The following LAMA2 variants were observed in gnomAD, a reference collection of about 807,000 sequenced individuals.
LAMA2 encodes the protein laminin subunit alpha 2.
A neutral mutation model predicts 364.8 loss-of-function variants in LAMA2; 269 were observed. That is an observed-to-expected ratio of 0.74 (90% CI 0.67 to 0.82). LAMA2 has a LOEUF of 0.82. Ranked by LOEUF, LAMA2 falls within the 40% of genes least tolerant of loss-of-function variation. LAMA2 has a pLI of 0.00. For missense variants in LAMA2, 3,807 were observed against 3,873.2 expected (o/e 0.98, Z 0.45); for synonymous variants, 1,379 against 1,370.6 (o/e 1.01, Z -0.14).
chr6:129,145,143 A>C (rs1254810940), intron 5 of LAMA2, among the ~76,000 whole-genome samples: 3 of 152,042 alleles, frequency 2.0e-5, no homozygotes, highest in African/African-American at 7.2e-5. Flanking sequence ...ATTTAATTCT[A>C]GAATGATCCC....
intron 4 of LAMA2, among the ~76,000 whole-genome samples, chr6:129,139,583 C>A (rs1039851281): frequency 6.6e-6 from 1 of 152,020 alleles, no homozygotes; most frequent in Non-Finnish European, 1.5e-5. Context: ...ACAGGAGGTC[C>A]TGGAACCAAT....
At chr6:129,329,346 G>A (rs1313869479) in intron 29 of LAMA2, among the ~76,000 whole-genome samples, 2 of 151,996 alleles carry the variant, frequency 1.3e-5, no homozygotes, top group African/African-American at 4.8e-5. Context: ...GCCCTCTTAA[G>A]GAGTAGCCAT....
At chr6:129,499,709 T>C (rs1190143146) in intron 58 of LAMA2, among the ~76,000 whole-genome samples, 2 of 152,092 alleles carry the variant, frequency 1.3e-5, no homozygotes, top group Non-Finnish European at 2.9e-5. Context: ...GGTGCTGCCC[T>C]GAACACATCA....
intron 9 of LAMA2, among the ~76,000 whole-genome samples, chr6:129,174,825 A>G (rs373136722): frequency 1.3e-5 from 2 of 152,166 alleles, no homozygotes; most frequent in East Asian, 1.9e-4. Flanking sequence ...CTTTCGATCT[A>G]TCTACCTACC....
intron 35 of LAMA2, among the ~76,000 whole-genome samples, chr6:129,383,836 G>A (rs1400175275): frequency 1.3e-5 from 2 of 152,074 alleles, no homozygotes; most frequent in Non-Finnish European, 2.9e-5. Context: ...TGCCCCATCC[G>A]CACTCGCCCC....
At chr6:129,037,155 A>C (rs1051617444) in intron 1 of LAMA2, among the ~76,000 whole-genome samples, 2 of 152,200 alleles carry the variant, frequency 1.3e-5, no homozygotes, top group Non-Finnish European at 2.9e-5. Context: ...CTCTGCTTGC[A>C]TGAATATTTT....
chr6:129,069,850 TATTA>T (rs148162688), intron 3 of LAMA2, among the ~76,000 whole-genome samples: 70,232 of 147,784 alleles, frequency 0.48, 19,766 homozygotes, highest in East Asian at 0.81. Flanking sequence ...TATACAATTA[TATTA>T]ATTATATGTA....
rs1160667427 is a variant in LAMA2 at position 129,393,105 on chromosome 6, T to C, written c.5295T>C (p.Asn1765=). 3 of 1,613,454 alleles carry C rather than the reference T, an allele frequency of 1.9e-6. No individual in the cohort carries two copies. Among genetic ancestry groups the C allele is most frequent in the South Asian group, 2.2e-5 (2 of 91,056 alleles). The change falls in exon 37 of 65, where the codon AAT becomes AAC. Residue 1765 remains asparagine, a synonymous_variant. Transcript: ENST00000421865. The stretch of plus-strand genomic sequence containing the variant: ...TGTTTGGAGAGTCCCGGGGGGAAAA[T>C]GAAGAAATGGAGAAGGATCTCCGGG... ...KKLFGESRGE[N]EEMEKDLREK... is the part of the protein sequence containing the mutation.
intron 22 of LAMA2, among the ~76,000 whole-genome samples, chr6:129,310,986 C>G (rs1774183609): frequency 6.6e-6 from 1 of 152,156 alleles, no homozygotes; most frequent in Non-Finnish European, 1.5e-5. Context: ...ACTTCAAGGT[C>G]AGAGCGTGTG....
intron 1 of LAMA2, among the ~76,000 whole-genome samples, chr6:129,031,175 A>T (rs1786192663): frequency 6.6e-6 from 1 of 152,198 alleles, no homozygotes; most frequent in Non-Finnish European, 1.5e-5. Flanking sequence ...ACACTGTCAA[A>T]TCTCACTGTG....
chr6:129,255,044 T>C (rs1382095877), intron 14 of LAMA2, among the ~76,000 whole-genome samples: 1 of 152,060 alleles, frequency 6.6e-6, no homozygotes, highest in East Asian at 1.9e-4. Context: ...GTATTTTTTT[T>C]TTTCCTGAGG....
At chr6:129,157,581 G>T in intron 8 of LAMA2, 3 of 1,612,782 alleles carry the variant, frequency 1.9e-6, no homozygotes, top group Admixed American at 1.7e-5. Context: ...AATTCTCAAC[G>T]CTGTGAGTCT....
intron 1 of LAMA2, among the ~76,000 whole-genome samples, chr6:129,036,177 A>G (rs1786628729): frequency 6.6e-6 from 1 of 152,076 alleles, no homozygotes; most frequent in Admixed American, 6.5e-5. Flanking sequence ...TGTTTTGAAG[A>G]AATCATAATC....
At chr6:129,172,517 A>G (rs1288831317) in intron 9 of LAMA2, among the ~76,000 whole-genome samples, 1 of 152,194 alleles carries the variant, frequency 6.6e-6, no homozygotes, top group African/African-American at 2.4e-5. Context: ...CCACTTGAGG[A>G]GGCAGTCTGC....
chr6:129,276,931 C>T (rs1180594461), intron 17 of LAMA2, among the ~76,000 whole-genome samples: 1 of 152,018 alleles, frequency 6.6e-6, no homozygotes, highest in Non-Finnish European at 1.5e-5. Context: ...GACATAGTCA[C>T]ATGTATACAC....
chr6:129,429,403 A>G (rs1212850379), intron 41 of LAMA2, among the ~76,000 whole-genome samples: 1 of 152,216 alleles, frequency 6.6e-6, no homozygotes, highest in Non-Finnish European at 1.5e-5. Context: ...CTTATTTTTT[A>G]CAATAAATGG....
chr6:129,221,337 C>A (rs1583281064), intron 12 of LAMA2, among the ~76,000 whole-genome samples: 1 of 133,770 alleles, frequency 7.5e-6, no homozygotes. Context: ...ATTGAGAAAG[C>A]TTTAGTATCA....
chr6:129,205,517 C>G (rs1782582709), intron 12 of LAMA2, among the ~76,000 whole-genome samples: 1 of 129,632 alleles, frequency 7.7e-6, no homozygotes, highest in South Asian at 2.5e-4. Flanking sequence ...CACACACACA[C>G]ACACACACAC....
chr6:129,367,684 T>C (rs1777851443), intron 33 of LAMA2, among the ~76,000 whole-genome samples: 2 of 152,186 alleles, frequency 1.3e-5, no homozygotes, highest in Admixed American at 6.5e-5. Flanking sequence ...GTAAGTATTA[T>C]TATCCCTATT....
Sources: allele counts gnomAD v4.1 joint callset (sites outside exome capture counted in the v4.1 genomes callset), GRCh38; gene constraint gnomAD v4.1.1; transcripts MANE v1.5; gene names NCBI Gene and HGNC (gene_info 2026-07-23, HGNC 2026-07-21).